PCOLCE2: variants seen among roughly 807,000 people sequenced by gnomAD.
The protein encoded by PCOLCE2 is procollagen C-endopeptidase enhancer 2.
Under a neutral mutation model 47.0 loss-of-function variants are expected in PCOLCE2, and 42 were observed. That is an observed-to-expected ratio of 0.89 (90% CI 0.70 to 1.16). The LOEUF (loss-of-function observed/expected upper bound fraction) is 1.16. Ranked by LOEUF, PCOLCE2 falls within the 50% of genes most tolerant of loss-of-function variation. PCOLCE2 has a pLI of 0.00. For synonymous variants in PCOLCE2, 169 were observed against 191.7 expected, an observed-to-expected ratio of 0.88 and a Z score of 0.98; for missense variants, 500 against 526.1, an observed-to-expected ratio of 0.95 and a Z score of 0.49.
At chr3:142,857,974 C>A (rs1933099339) in intron 2 of PCOLCE2, among the ~76,000 whole-genome samples, 1 of 152,214 alleles carries the variant, frequency 6.6e-6, no homozygotes, top group Non-Finnish European at 1.5e-5. Flanking sequence ...CCTTTCCCAC[C>A]TCTGTGAGGT....
At chr3:142,843,798 A>G (rs1937294925) in intron 3 of PCOLCE2, among the ~76,000 whole-genome samples, 1 of 152,196 alleles carries the variant, frequency 6.6e-6, no homozygotes, top group Admixed American at 6.5e-5. Flanking sequence ...TGAAACTAAA[A>G]TAATTATACT....
At chr3:142,875,917 T>G (rs982657374) in intron 2 of PCOLCE2, among the ~76,000 whole-genome samples, 1 of 152,168 alleles carries the variant, frequency 6.6e-6, no homozygotes, top group Non-Finnish European at 1.5e-5. Flanking sequence ...CCTTAATCCA[T>G]GAGCAAGGCC....
chr3:142,860,636 G>A (rs781512207), intron 2 of PCOLCE2, among the ~76,000 whole-genome samples: 1 of 152,114 alleles, frequency 6.6e-6, no homozygotes, highest in South Asian at 2.1e-4. Context: ...TCAAACTCCT[G>A]ACCTCAACTG....
intron 2 of PCOLCE2, among the ~76,000 whole-genome samples, chr3:142,851,173 A>G (rs1246926488): frequency 6.6e-6 from 1 of 152,226 alleles, no homozygotes; most frequent in Non-Finnish European, 1.5e-5. Context: ...GAGAGGCACT[A>G]CTGGGAATCT....
At chr3:142,824,903 C>T (rs1419558852) in intron 6 of PCOLCE2, among the ~76,000 whole-genome samples, 2 of 152,214 alleles carry the variant, frequency 1.3e-5, no homozygotes, top group African/African-American at 4.8e-5. Context: ...GCTGGGATTA[C>T]AGGTGTAAGC....
intron 2 of PCOLCE2, among the ~76,000 whole-genome samples, chr3:142,871,267 C>G (rs1933382370): frequency 6.6e-6 from 1 of 152,216 alleles, no homozygotes; most frequent in African/African-American, 2.4e-5. Context: ...CTCATTATCT[C>G]TCATCTGAAT....
At chr3:142,861,362 T>C (rs954346705) in intron 2 of PCOLCE2, among the ~76,000 whole-genome samples, 8 of 152,234 alleles carry the variant, frequency 5.3e-5, no homozygotes, top group African/African-American at 1.9e-4. Context: ...CCCTGTTCTT[T>C]CTTTTTAGAA....
At chr3:142,848,185 CTGT>C in intron 3 of PCOLCE2, 29 bp downstream of exon 3, 1 of 1,603,498 alleles carries the variant, frequency 6.2e-7, no homozygotes, top group Non-Finnish European at 8.5e-7. Context: ...ACCAACATTA[CTGT>C]TGTTATTGCC....
chr3:142,853,571 T>C (rs1932999678), intron 2 of PCOLCE2, among the ~76,000 whole-genome samples: 1 of 152,232 alleles, frequency 6.6e-6, no homozygotes, highest in Non-Finnish European at 1.5e-5. Flanking sequence ...ACCGGCCTCC[T>C]TGCACAAATC....
Position 142,887,737 on chromosome 3 carries a change from CAG to C in PCOLCE2, c.122_123del (p.Ser41TrpfsTer6). 6.2e-7 allele frequency: 1 copy of C among 1,608,166 alleles called. No individual in the cohort carries two copies. The highest frequency in any genetic ancestry group is 8.5e-7 in the Non-Finnish European group (1 of 1,174,746). On this transcript the variant is annotated frameshift_variant, in exon 2 of 9. Coordinates refer to ENST00000295992, the MANE Select transcript of PCOLCE2 (RefSeq NM_013363.4). LOFTEE classifies it high-confidence loss of function. ...FTCGGILTGESGFIGSEGFPG... is the reference protein window; with the variant it reads ...FTCGGILTGEXGFIGSEGFPG... The stretch of plus-strand genomic sequence containing the variant: ...GGAAAACCTTCACTGCCAATAAATC[CAG>C]ACTCTCCAGTAAGAATGCCACCACA...
At position 142,818,174 on chromosome 3, in the gene PCOLCE2, C is replaced by T. The variant is rs543336813; in HGVS notation, c.*161G>A. 6 of 597,482 alleles carry T rather than the reference C, an allele frequency of 1.0e-5. No homozygotes were observed. Among genetic ancestry groups the T allele is most frequent in the South Asian group, 7.6e-5 (3 of 39,418 alleles). The allele number at this position is 597,482 out of a possible 1,614,324, so 37.0% of individuals were successfully genotyped here. A position where few individuals can be genotyped will look rare whatever the true frequency, so the allele number is the denominator to read the frequency against. On this transcript the variant is annotated 3_prime_UTR_variant, in exon 9 of 9. Transcript: ENST00000295992. Reference sequence around the variant, plus strand: ...GGCAAAGAACTTCCCTCAGCTATCTCGGAGGCCTCATACCTCCATCATGTG... The same window carrying T: ...GGCAAAGAACTTCCCTCAGCTATCTTGGAGGCCTCATACCTCCATCATGTG...
At chr3:142,844,011 A>ATTGT in intron 3 of PCOLCE2, among the ~76,000 whole-genome samples, 1 of 152,130 alleles carries the variant, frequency 6.6e-6, no homozygotes, top group Non-Finnish European at 1.5e-5. Flanking sequence ...AATAGTCATC[A>ATTGT]TTCTATTATT....
chr3:142,879,229 T>C (rs1933557647), intron 2 of PCOLCE2, among the ~76,000 whole-genome samples: 2 of 152,122 alleles, frequency 1.3e-5, no homozygotes, highest in Non-Finnish European at 1.5e-5. Flanking sequence ...GGTATGAATA[T>C]GTTATTAAAG....
intron 3 of PCOLCE2, 102 bp downstream of exon 3, chr3:142,848,115 T>C: frequency 1.6e-6 from 2 of 1,256,236 alleles, no homozygotes; most frequent in Non-Finnish European, 2.2e-6. Context: ...TCACTAGCTC[T>C]TTGAGAACCA....
At chr3:142,847,496 C>T (rs1937339756) in intron 3 of PCOLCE2, among the ~76,000 whole-genome samples, 1 of 152,126 alleles carries the variant, frequency 6.6e-6, no homozygotes, top group Non-Finnish European at 1.5e-5. Context: ...GATTTCTACG[C>T]TTGGGAGCTC....
rs970788050 is a variant in PCOLCE2 at position 142,888,703 on chromosome 3, G to C, written c.83+111C>G. The C allele has an allele frequency of 4.8e-6, 3 of 624,350 alleles. No homozygotes were observed. The African/African-American group carries it at 5.8e-5, about 12-fold the overall frequency. 38.7% of individuals were successfully genotyped at this position (624,350 alleles called of 1,614,324 possible). On this transcript the variant is annotated intron_variant, in intron 1 of 8. Transcript: ENST00000295992. The stretch of plus-strand genomic sequence containing the variant: ...GCACCGCGCGGGAGCGCAGGGTCGA[G>C]CGCTGGGTCACCCAGGCGCGCCGAA...
intron 2 of PCOLCE2, among the ~76,000 whole-genome samples, chr3:142,871,078 T>C (rs1013009107): frequency 6.6e-5 from 10 of 152,232 alleles, no homozygotes; most frequent in Non-Finnish European, 1.0e-4. Context: ...CTGTCTTCCC[T>C]GTACAGTTGA....
chr3:142,848,927 G>A (rs1937359052), intron 2 of PCOLCE2, among the ~76,000 whole-genome samples: 1 of 152,140 alleles, frequency 6.6e-6, no homozygotes, highest in South Asian at 2.1e-4. Flanking sequence ...GCCGAGGTGG[G>A]CGGATCACAA....
At chr3:142,853,431 A>G (rs1286811226) in intron 2 of PCOLCE2, among the ~76,000 whole-genome samples, 2 of 152,084 alleles carry the variant, frequency 1.3e-5, no homozygotes, top group African/African-American at 2.4e-5. Context: ...ATAAAGCTCA[A>G]CCTCGAGGGG....
Sources: allele counts gnomAD v4.1 joint callset (sites outside exome capture counted in the v4.1 genomes callset), GRCh38; gene constraint gnomAD v4.1.1; transcripts MANE v1.5; gene names NCBI Gene and HGNC (gene_info 2026-07-23, HGNC 2026-07-21).